Variants in UNC5D observed in about 807,000 individuals in gnomAD.
The protein encoded by UNC5D is netrin receptor UNC5D.
UNC5D carries 39 observed loss-of-function variants against 105.4 expected under a neutral mutation model. The observed-to-expected ratio is 0.37, with a 90% CI of 0.29 to 0.48. UNC5D has a LOEUF of 0.48. Among genes scored for constraint, UNC5D ranks in the 20% least tolerant of loss-of-function variants. The probability of loss-of-function intolerance (pLI) is 0.98; values close to 1 mark genes in which losing one functional copy is unlikely to be tolerated. For missense variants in UNC5D, 991 were observed against 1,202.4 expected (o/e 0.82, Z 2.60); for synonymous variants, 452 against 450.4 (o/e 1.00, Z -0.04).
intron 1 of UNC5D, chr8:35,525,194 C>T: frequency 6.2e-7 from 1 of 1,610,828 alleles, no homozygotes; most frequent in Non-Finnish European, 8.5e-7. Flanking sequence ...ACAGGGCAGC[C>T]TCCTTCTGTG....
At chr8:35,382,878 T>G (rs938986102) in intron 1 of UNC5D, among the ~76,000 whole-genome samples, 14 of 152,180 alleles carry the variant, frequency 9.2e-5, no homozygotes, top group Non-Finnish European at 1.8e-4. Flanking sequence ...CTTCTCTAGT[T>G]TATGGATATT....
In UNC5D at chr8:35,520,008, C is replaced by G. The variant is rs572338141; in HGVS notation, c.104-29284C>G. On this transcript the variant is annotated intron_variant, in intron 1 of 16. Transcript: ENST00000404895. ...AGGCACTTTGGAAGAGACTTTGGCT[C>G]TTCTTCAAAGTTAACCATAGAGCTG... Among the ~76,000 whole-genome samples the G allele has an allele frequency of 1.6e-4, 25 of 152,164 alleles. No individual in the cohort carries two copies. In the South Asian group the frequency reaches 5.0e-3, roughly 30 times the overall value.
chr8:35,359,810 A>G (rs1381638045), intron 1 of UNC5D, among the ~76,000 whole-genome samples: 2 of 152,158 alleles, frequency 1.3e-5, no homozygotes, highest in East Asian at 1.9e-4. Context: ...TCATTATAAC[A>G]TAAAAGCCTG....
chr8:35,330,626 T>C (rs1810538663), intron 1 of UNC5D, among the ~76,000 whole-genome samples: 1 of 152,180 alleles, frequency 6.6e-6, no homozygotes, highest in Non-Finnish European at 1.5e-5. Flanking sequence ...TTCAGAATGT[T>C]TGAAAAACAA....
In UNC5D at chr8:35,547,551, G is replaced by A. The variant is rs1050336467; in HGVS notation, c.104-1741G>A. On this transcript the variant is annotated intron_variant, in intron 1 of 16. Coordinates refer to ENST00000404895, the MANE Select transcript of UNC5D (RefSeq NM_080872.4). Reference sequence around the variant, plus strand: ...TGACCTCAAGTGATCTGCCTGCCTAGCCCTCTCAAAGTGTTGGGATTACAG... The same window carrying A: ...TGACCTCAAGTGATCTGCCTGCCTAACCCTCTCAAAGTGTTGGGATTACAG... Among the ~76,000 whole-genome samples, 3 of 152,144 alleles carry A rather than the reference G, an allele frequency of 2.0e-5. No homozygotes were observed. In the East Asian group the frequency reaches 5.8e-4, roughly 29 times the overall value.
chr8:35,710,296 G>A (rs1827859964), intron 8 of UNC5D, among the ~76,000 whole-genome samples: 1 of 152,074 alleles, frequency 6.6e-6, no homozygotes, highest in African/African-American at 2.4e-5. Flanking sequence ...CTGATGTTTT[G>A]GGTGTAGAGT....
At position 35,318,751 on chromosome 8, in the gene UNC5D, A is replaced by T. The variant is rs1057305958; in HGVS notation, c.103+82864A>T. Among the ~76,000 whole-genome samples, 24 of 152,202 alleles carry T rather than the reference A, an allele frequency of 1.6e-4. 1 individual carries two copies. The highest frequency in any genetic ancestry group is 9.2e-4 in the Admixed American group (14 of 15,262). ...TAAGCACAGTTAAAACAGCCTGAAC[A>T]CAACTAAGGCTGTGTTTCACTGAGC... On this transcript the variant is annotated intron_variant, in intron 1 of 16. Coordinates refer to ENST00000404895, the MANE Select transcript of UNC5D (RefSeq NM_080872.4).
At chr8:35,460,568 C>T (rs1808817640) in intron 1 of UNC5D, among the ~76,000 whole-genome samples, 2 of 152,166 alleles carry the variant, frequency 1.3e-5, no homozygotes, top group Admixed American at 1.3e-4. Flanking sequence ...AGTGCTAAAC[C>T]ACAATGCCAA....
intron 1 of UNC5D, among the ~76,000 whole-genome samples, chr8:35,418,002 C>T (rs893008227): frequency 1.3e-5 from 2 of 152,154 alleles, no homozygotes; most frequent in Non-Finnish European, 2.9e-5. Flanking sequence ...CTTAGGTGAG[C>T]TAGTTTAAAT....
At chr8:35,298,628 A>AAGGGCTGAT (rs1478367414) in intron 1 of UNC5D, among the ~76,000 whole-genome samples, 1 of 119,382 alleles carries the variant, frequency 8.4e-6, no homozygotes, top group Non-Finnish European at 1.6e-5. Flanking sequence ...AGGCGGGGAG[A>AAGGGCTGAT]AGGGCTGATA....
intron 3 of UNC5D, among the ~76,000 whole-genome samples, chr8:35,570,712 C>T (rs983978615): frequency 3.3e-5 from 5 of 151,656 alleles, no homozygotes; most frequent in Non-Finnish European, 7.4e-5. Flanking sequence ...CCAGCACTTT[C>T]GGAGGCCAAG....
rs181637814 is a variant in UNC5D, at chr8:35,617,702, G to A, written c.570+22045G>A. 8.9e-4 allele frequency among the ~76,000 whole-genome samples: 135 copies of A among 152,280 alleles called. 1 individual carries two copies. Among genetic ancestry groups the A allele is most frequent in the Non-Finnish European group, 1.5e-4 (10 of 68,030 alleles). On this transcript the variant is annotated intron_variant, in intron 4 of 16. Transcript: ENST00000404895. ...ACCACCCCAGCTTAGCAGCTGCACC[G>A]TTCCCATTGCATGTAACTCAGATTC...
intron 1 of UNC5D, among the ~76,000 whole-genome samples, chr8:35,543,089 C>A (rs960921303): frequency 6.6e-6 from 1 of 152,162 alleles, no homozygotes; most frequent in African/African-American, 2.4e-5. Flanking sequence ...AGAGTTAACA[C>A]AGACCTTGTC....
At chr8:35,371,517 T>C (rs1802427754) in intron 1 of UNC5D, among the ~76,000 whole-genome samples, 2 of 152,158 alleles carry the variant, frequency 1.3e-5, no homozygotes, top group Admixed American at 6.5e-5. Flanking sequence ...TGACTAGATA[T>C]CAAGCCTTTG....
intron 11 of UNC5D, among the ~76,000 whole-genome samples, chr8:35,736,136 T>G (rs1255142741): frequency 6.6e-6 from 1 of 152,130 alleles, no homozygotes; most frequent in African/African-American, 2.4e-5. Context: ...CACCCCCTCC[T>G]TCTGCCAAGC....
At chr8:35,514,048 A>G (rs532353716) in intron 1 of UNC5D, among the ~76,000 whole-genome samples, 1 of 152,348 alleles carries the variant, frequency 6.6e-6, no homozygotes, top group East Asian at 1.9e-4. Flanking sequence ...AAGGATGGAA[A>G]AGTCCTCCAA....
In UNC5D at chr8:35,601,178, T is replaced by C. The variant is rs574381509; in HGVS notation, c.570+5521T>C. ...TTCTATATCTCGGTTTTGGTACCAGTACCATGCTGTTTTGGTTACTGTAGC... is the reference window on the plus strand; with the variant it reads ...TTCTATATCTCGGTTTTGGTACCAGCACCATGCTGTTTTGGTTACTGTAGC... On this transcript the variant is annotated intron_variant, in intron 4 of 16. Coordinates refer to ENST00000404895, the MANE Select transcript of UNC5D (RefSeq NM_080872.4). Among the ~76,000 whole-genome samples the C allele has an allele frequency of 2.6e-5, 4 of 152,296 alleles. No homozygotes were observed. The South Asian group carries it at 6.2e-4, about 24-fold the overall frequency.
intron 4 of UNC5D, among the ~76,000 whole-genome samples, chr8:35,642,969 C>A (rs1403649737): frequency 6.6e-6 from 1 of 152,110 alleles, no homozygotes; most frequent in Non-Finnish European, 1.5e-5. Flanking sequence ...GCCCACGGAG[C>A]AGGCTTAGAA....
chr8:35,307,258 T>G (rs1808496483), intron 1 of UNC5D, among the ~76,000 whole-genome samples: 1 of 152,194 alleles, frequency 6.6e-6, no homozygotes. Context: ...ATAAGATAAC[T>G]TAGAATTCAA....
Sources: allele counts gnomAD v4.1 joint callset (sites outside exome capture counted in the v4.1 genomes callset), GRCh38; gene constraint gnomAD v4.1.1; transcripts MANE v1.5; gene names NCBI Gene and HGNC (gene_info 2026-07-23, HGNC 2026-07-21).